Variants in MAOB observed in about 807,000 individuals in gnomAD.
The protein encoded by MAOB is amine oxidase [flavin-containing] B.
Under a neutral mutation model 41.9 loss-of-function variants are expected in MAOB, and 15 were observed. That is an observed-to-expected ratio of 0.36 (90% CI 0.24 to 0.55). MAOB has a LOEUF of 0.55. MAOB is among the 20% of genes least tolerant of loss of function. The pLI is 0.86. For synonymous variants in MAOB, 167 were observed against 144.2 expected (o/e 1.16, Z -1.13); for missense variants, 345 against 398.7 (o/e 0.87, Z 1.15).
chrX:43,845,283 T>C (rs2035187123), intron 1 of MAOB, among the ~76,000 whole-genome samples: 1 of 111,872 alleles, frequency 8.9e-6, no homozygotes, highest in Non-Finnish European at 1.9e-5. Flanking sequence ...ATTAAGGCCA[T>C]GCCAAGATGC....
chrX:43,780,692 G>A (rs2034321040), intron 9 of MAOB, among the ~76,000 whole-genome samples: 2 of 111,585 alleles, frequency 1.8e-5, no homozygotes, highest in African/African-American at 6.5e-5. Flanking sequence ...TGGTCAATAA[G>A]AATAACCCTT....
At chrX:43,813,437 C>T (rs1569219967) in intron 3 of MAOB, among the ~76,000 whole-genome samples, 1 of 112,203 alleles carries the variant, frequency 8.9e-6, no homozygotes, top group Non-Finnish European at 1.9e-5. Flanking sequence ...TCTTAAACAG[C>T]TTTATTGCAG....
intron 10 of MAOB, among the ~76,000 whole-genome samples, chrX:43,779,889 A>G (rs2034307641): frequency 8.9e-6 from 1 of 111,797 alleles, no homozygotes; most frequent in Admixed American, 9.5e-5. Context: ...CTCCAGAGGA[A>G]TTAGTCCCAC....
At chrX:43,841,879 C>T (rs2035141582) in intron 2 of MAOB, among the ~76,000 whole-genome samples, 1 of 111,584 alleles carries the variant, frequency 9.0e-6, no homozygotes. Context: ...AAAGTAGTCC[C>T]TTATCTTATA....
intron 11 of MAOB, among the ~76,000 whole-genome samples, chrX:43,778,106 C>T (rs749181164): frequency 9.0e-6 from 1 of 111,208 alleles, no homozygotes; most frequent in Non-Finnish European, 1.9e-5. Context: ...ACTCAACTGG[C>T]ATACAGACAG....
At chrX:43,843,626 C>T (rs1321924603) in intron 2 of MAOB, 44 bp downstream of exon 2, 6 of 1,159,885 alleles carry the variant, frequency 5.2e-6, no homozygotes, top group Non-Finnish European at 7.0e-6. Context: ...ACCCCAAACT[C>T]AGCTTCAGTC....
At chrX:43,824,231 A>G (rs770159649) in intron 3 of MAOB, among the ~76,000 whole-genome samples, 1 of 112,799 alleles carries the variant, frequency 8.9e-6, no homozygotes, top group Admixed American at 9.3e-5. Flanking sequence ...TTGTGATGAT[A>G]TATTAAGGCT....
In MAOB at chrX:43,771,875, T is replaced by C. The variant is rs550872800; in HGVS notation, c.1236-2457A>G. On this transcript the variant is annotated intron_variant, in intron 12 of 14. Transcript: ENST00000378069. The stretch of plus-strand genomic sequence containing the variant: ...CCAACAACCAGGTAAGAAAAATACC[T>C]GCCCCTTCTTTTGCAGGTGCGTGAA... Among the ~76,000 whole-genome samples, 34 of 111,961 alleles carry C rather than the reference T, an allele frequency of 3.0e-4. No individual in the cohort carries two copies. The South Asian group carries it at 0.013, about 42-fold the overall frequency.
At chrX:43,777,661 G>C (rs1230236245) in intron 11 of MAOB, among the ~76,000 whole-genome samples, 3 of 111,801 alleles carry the variant, frequency 2.7e-5, no homozygotes, top group African/African-American at 9.7e-5. Flanking sequence ...ATAGGACTAA[G>C]TCATGTAGCT....
intron 3 of MAOB, among the ~76,000 whole-genome samples, chrX:43,834,943 T>G (rs1281181859): frequency 8.9e-6 from 1 of 112,500 alleles, no homozygotes; most frequent in Non-Finnish European, 1.9e-5. Flanking sequence ...ATCTTTATAG[T>G]GGCAAAACTC....
chrX:43,863,358 T>C (rs1209220436), intron 1 of MAOB, among the ~76,000 whole-genome samples: 3 of 111,656 alleles, frequency 2.7e-5, no homozygotes, highest in African/African-American at 6.5e-5. Context: ...TGTAATAATA[T>C]GGAAAATGCT....
At chrX:43,786,783 G>A (rs750183650) in intron 8 of MAOB, among the ~76,000 whole-genome samples, 17 of 111,308 alleles carry the variant, frequency 1.5e-4, no homozygotes, top group Non-Finnish European at 2.4e-4. Flanking sequence ...GGGCTCCTTG[G>A]ACACTTCCTT....
chrX:43,792,822 T>A (rs1270175458), intron 8 of MAOB, among the ~76,000 whole-genome samples: 1 of 111,735 alleles, frequency 8.9e-6, no homozygotes, highest in African/African-American at 3.3e-5. Flanking sequence ...GCAATCTCAT[T>A]ATTAGGTATA....
chrX:43,782,245 T>G (rs769133671), intron 8 of MAOB, among the ~76,000 whole-genome samples: 13 of 110,250 alleles, frequency 1.2e-4, no homozygotes, highest in Non-Finnish European at 1.9e-4. Context: ...CTAGCCAGAC[T>G]AATAAAGAAG....
chrX:43,834,567 A>G (rs1317708256), intron 3 of MAOB, among the ~76,000 whole-genome samples: 1 of 112,020 alleles, frequency 8.9e-6, no homozygotes, highest in African/African-American at 3.2e-5. Context: ...ATAGATAGCT[A>G]TGGTTTCCCC....
intron 3 of MAOB, among the ~76,000 whole-genome samples, chrX:43,823,361 C>T (rs1287327309): frequency 2.8e-5 from 3 of 108,600 alleles, no homozygotes; most frequent in African/African-American, 3.4e-5. Context: ...TTAGTAGAAA[C>T]GGGGTTTCAC....
chrX:43,784,503 A>G (rs761189019), intron 8 of MAOB, among the ~76,000 whole-genome samples: 2 of 112,438 alleles, frequency 1.8e-5, no homozygotes, highest in Non-Finnish European at 3.8e-5. Flanking sequence ...GAACAGTAAC[A>G]TTTTGAGAAA....
At chrX:43,862,241 T>C (rs2035337441) in intron 1 of MAOB, among the ~76,000 whole-genome samples, 2 of 111,761 alleles carry the variant, frequency 1.8e-5, no homozygotes, top group South Asian at 7.5e-4. Context: ...TCTGGATTTG[T>C]GTTTGATTCT....
intron 3 of MAOB, among the ~76,000 whole-genome samples, chrX:43,827,934 AC>A (rs2034969514): frequency 8.9e-6 from 1 of 112,148 alleles, no homozygotes; most frequent in Non-Finnish European, 1.9e-5. Context: ...GGATACATAG[AC>A]AAGATGTCAA....
Sources: gnomAD v4.1 joint callset for allele counts (sites outside exome capture counted in the v4.1 genomes callset) on GRCh38, gnomAD v4.1.1 for gene constraint, MANE v1.5 for transcripts, NCBI Gene and HGNC (gene_info 2026-07-23, HGNC 2026-07-21) for gene names.